The following PDCD11 variants were observed in gnomAD, a reference collection of about 807,000 sequenced individuals.
PDCD11 encodes the protein protein RRP5 homolog.
PDCD11 carries 97 observed loss-of-function variants against 198.9 expected under a neutral mutation model. The observed-to-expected ratio is 0.49, with a 90% CI of 0.41 to 0.58. PDCD11 has a LOEUF of 0.58. Among genes scored for constraint, PDCD11 ranks in the 20% least tolerant of loss-of-function variants. The probability of loss-of-function intolerance (pLI) is 0.00; values close to 1 mark genes in which losing one functional copy is unlikely to be tolerated. For missense variants in PDCD11, 2,102 were observed against 2,312.7 expected, an observed-to-expected ratio of 0.91 and a Z score of 1.87; for synonymous variants, 893 against 918.0, an observed-to-expected ratio of 0.97 and a Z score of 0.49.
chr10:103,425,663 T>C (rs1362228568), intron 20 of PDCD11, 138 bp downstream of exon 20: 4 of 712,430 alleles, frequency 5.6e-6, no homozygotes, highest in African/African-American at 5.4e-5. Context: ...CACCAAAGAA[T>C]TATTTTGCAA....
intron 7 of PDCD11, among the ~76,000 whole-genome samples, chr10:103,408,307 T>G (rs985787957): frequency 1.5e-4 from 23 of 152,088 alleles, no homozygotes; most frequent in African/African-American, 5.6e-4. Context: ...TCTGTCTGTA[T>G]TGGAGCCTTC....
intron 21 of PDCD11, among the ~76,000 whole-genome samples, chr10:103,429,298 A>T (rs1467949872): frequency 6.6e-6 from 1 of 152,186 alleles, no homozygotes; most frequent in Non-Finnish European, 1.5e-5. Flanking sequence ...ATAGGTCCCC[A>T]TTCAGTACTG....
Position 103,425,411 on chromosome 10 carries a change from A to G in PDCD11, c.3191A>G (p.His1064Arg), listed in dbSNP as rs755893694. ...GAAGATGGCATTATTGGCTGTATCC[A>G]TGCCTCCCACATTCTAGATGATGTT... Reference protein sequence around the residue: ...TLEDGIIGCIHASHILDDVPE... With the variant: ...TLEDGIIGCIRASHILDDVPE... Residue 1064 changes from histidine (H) to arginine (R), a missense_variant, in exon 20 of 36, where the codon CAT (histidine) becomes CGT (arginine). Transcript: ENST00000369797. 13 of 1,614,114 alleles carry G rather than the reference A, an allele frequency of 8.1e-6. No individual in the cohort carries two copies. In the South Asian group the frequency reaches 1.3e-4, roughly 16 times the overall value.
intron 11 of PDCD11, 123 bp downstream of exon 11, chr10:103,414,453 T>C: frequency 2.9e-6 from 2 of 680,140 alleles, no homozygotes; most frequent in Non-Finnish European, 5.1e-6. Flanking sequence ...TCCTTGCTTC[T>C]GCCTGCTGAC....
rs2029966445 is a variant in PDCD11 at position 103,400,543 on chromosome 10, G to A, written c.234+15G>A. 5 of 1,605,436 alleles carry A rather than the reference G, an allele frequency of 3.1e-6. No homozygotes were observed. The African/African-American group carries it at 5.4e-5, about 17-fold the overall frequency. On this transcript the variant is annotated intron_variant, in intron 3 of 35. Coordinates refer to ENST00000369797, the MANE Select transcript of PDCD11 (RefSeq NM_014976.2). ...TTAGTGTTGAGGTTTGTTAAAGTTG[G>A]TTTTCATTTAAACAATCGACCTTGG... is the stretch of plus-strand genomic sequence containing the variant.
intron 22 of PDCD11, 49 bp downstream of exon 22, chr10:103,432,283 A>G (rs752671365): frequency 7.7e-7 from 1 of 1,300,744 alleles, no homozygotes; most frequent in Non-Finnish European, 1.1e-6. Context: ...TCTTTCAGAA[A>G]AAAGGTCATG....
intron 31 of PDCD11, 73 bp from the exon 32 acceptor site, chr10:103,442,140 G>A (rs1008858606): frequency 1.0e-5 from 16 of 1,587,082 alleles, no homozygotes; most frequent in Middle Eastern, 1.7e-4. Context: ...CAGCCAACTC[G>A]TGACTTCCAC....
chr10:103,412,392 C>G (rs1012769458), intron 8 of PDCD11, among the ~76,000 whole-genome samples: 2 of 152,112 alleles, frequency 1.3e-5, no homozygotes, highest in African/African-American at 4.8e-5. Context: ...GTGATCTTGG[C>G]TCACTGCAGT....
chr10:103,410,626 T>A (rs76550669), intron 8 of PDCD11, among the ~76,000 whole-genome samples: 2 of 150,450 alleles, frequency 1.3e-5, no homozygotes, highest in Non-Finnish European at 3.0e-5. Context: ...CTTTTTTTTT[T>A]AAGACAGTGT....
intron 14 of PDCD11, 91 bp from the exon 15 acceptor site, chr10:103,418,349 G>T (rs1273728428): frequency 3.0e-5 from 30 of 1,014,550 alleles, no homozygotes; most frequent in Non-Finnish European, 4.2e-5. Context: ...CTTGGTGCCG[G>T]AGTTTAATGC....
At position 103,445,934 on chromosome 10, in the gene PDCD11, T is replaced by C. The variant is rs550082661; in HGVS notation, c.*385T>C. 122 of 191,792 alleles carry C rather than the reference T, an allele frequency of 6.4e-4. 2 individuals carry two copies. The highest frequency in any genetic ancestry group is 5.2e-3 in the South Asian group (45 of 8,718). 11.9% of individuals were successfully genotyped at this position (191,792 alleles called of 1,614,324 possible). A position where few individuals can be genotyped will look rare whatever the true frequency, so the allele number is the denominator to read the frequency against. On this transcript the variant is annotated 3_prime_UTR_variant, in exon 36 of 36. Transcript: ENST00000369797. ...GTCCCTGGCAGGCTGTCAGTCCAGC[T>C]GGAGGGGGTCAGTAGGCTCCAGGGA...
At chr10:103,431,014 G>A (rs1048670047) in intron 21 of PDCD11, among the ~76,000 whole-genome samples, 1 of 151,946 alleles carries the variant, frequency 6.6e-6, no homozygotes. Context: ...TGGCCAGGCT[G>A]TTCTCAAACT....
intron 33 of PDCD11, 40 bp from the exon 34 acceptor site, chr10:103,443,875 G>T (rs2032491160): frequency 6.2e-7 from 1 of 1,603,318 alleles, no homozygotes; most frequent in Admixed American, 1.7e-5. Context: ...CCCCTCTGTA[G>T]TATCACACTC....
Position 103,406,782 on chromosome 10 carries a change from G to A in PDCD11, c.862G>A (p.Val288Ile), listed in dbSNP as rs758433073. 1.2e-6 allele frequency: 2 copies of A among 1,611,974 alleles called. No homozygotes were observed. Among genetic ancestry groups the A allele is most frequent in the Non-Finnish European group, 1.7e-6 (2 of 1,178,946 alleles). ...LLPGLVVKAQVQKVTPFGLTL... is the reference protein window; with the variant it reads ...LLPGLVVKAQIQKVTPFGLTL... ...ACCAGGACTGGTGGTCAAAGCTCAG[G>A]TACAGAAGGTAAGCTGTTATGCTAC... is the stretch of plus-strand genomic sequence containing the variant. The change falls in exon 7 of 36, where the codon GTA (valine) becomes ATA (isoleucine). Residue 288 changes from valine (V) to isoleucine (I), a missense_variant. Val to Ile is a conservative substitution (Grantham distance 29). Transcript: ENST00000369797.
In PDCD11 at chr10:103,445,360, T is replaced by A. The variant is rs764775212; in HGVS notation, c.5445-18T>A. On this transcript the variant is annotated intron_variant, in intron 35 of 35. Transcript: ENST00000369797. ...CCTGGGACTGACAGGCAAATGCCAC[T>A]CTGCTTTTCCTCAACAGGGACATCT... 11 of 1,613,748 alleles carry A rather than the reference T, an allele frequency of 6.8e-6. No individual in the cohort carries two copies. In the South Asian group the frequency reaches 1.2e-4, roughly 18 times the overall value.
intron 25 of PDCD11, among the ~76,000 whole-genome samples, chr10:103,435,878 A>G (rs2032133560): frequency 6.6e-6 from 1 of 152,174 alleles, no homozygotes; most frequent in South Asian, 2.1e-4. Flanking sequence ...AGTGAAATTG[A>G]TGGGTTACAT....
intron 16 of PDCD11, 56 bp from the exon 17 acceptor site, chr10:103,421,292 G>A: frequency 7.2e-7 from 1 of 1,386,810 alleles, no homozygotes; most frequent in East Asian, 2.4e-5. Context: ...ACATCAAGTG[G>A]GTTGTCTTAA....
chr10:103,418,475 T>C lies in PDCD11; in HGVS notation c.1947T>C (p.Asp649=). The C allele has an allele frequency of 6.2e-7, 1 of 1,614,154 alleles. No homozygotes were observed. The highest frequency in any genetic ancestry group is 8.5e-7 in the Non-Finnish European group (1 of 1,179,988). Residue 649 remains aspartate, a synonymous_variant, in exon 15 of 36, where the codon GAT becomes GAC. Coordinates refer to ENST00000369797, the MANE Select transcript of PDCD11 (RefSeq NM_014976.2). ...VDVKVLEKTK[D]GLEVAVLPHN... ...TGAAGGTTTTAGAGAAGACCAAAGA[T>C]GGGCTGGAGGTGGCTGTCCTGCCCC...
chr10:103,427,268 AC>A, intron 20 of PDCD11, 60 bp from the exon 21 acceptor site: 1 of 1,449,326 alleles, frequency 6.9e-7, no homozygotes, highest in Non-Finnish European at 9.7e-7. Context: ...AGAAATCCTG[AC>A]CTACAGATTA....
Sources: gnomAD v4.1 joint callset for allele counts (sites outside exome capture counted in the v4.1 genomes callset) on GRCh38, gnomAD v4.1.1 for gene constraint, MANE v1.5 for transcripts, NCBI Gene and HGNC (gene_info 2026-07-23, HGNC 2026-07-21) for gene names.